The following RNF213 variants were observed in gnomAD, a reference collection of about 807,000 sequenced individuals.
RNF213 encodes ring finger protein 213.
Under a neutral mutation model 514.4 loss-of-function variants are expected in RNF213, and 341 were observed. The observed-to-expected ratio is 0.66, with a 90% CI of 0.61 to 0.73. The LOEUF is 0.73. Ranked by LOEUF, RNF213 falls within the 30% of genes least tolerant of loss-of-function variation. The pLI, the probability that RNF213 is intolerant of heterozygous loss-of-function variation, is 0.00. For missense variants in RNF213, 5,767 were observed against 6,615.6 expected, an observed-to-expected ratio of 0.87 and a Z score of 4.45; for synonymous variants, 2,655 against 2,658.2, an observed-to-expected ratio of 1.00 and a Z score of 0.04.
At position 80,398,735 on chromosome 17, in the gene RNF213, G is replaced by A. The variant is rs2080708902; in HGVS notation, c.*5237G>A. The A allele has an allele frequency of 6.6e-6, 1 of 151,538 alleles. No individual in the cohort carries two copies. Among genetic ancestry groups the A allele is most frequent in the African/African-American group, 2.4e-5 (1 of 41,146 alleles). 9.4% of individuals were successfully genotyped at this position (151,538 alleles called of 1,614,324 possible). The stretch of plus-strand genomic sequence containing the variant: ...TCAGAGAGAGAGAGAGAAAGAGACA[G>A]AGGCAAAAGGAAAGTCAAAGAGAAA... On this transcript the variant is annotated 3_prime_UTR_variant, in exon 68 of 68. Transcript: ENST00000582970.
In RNF213 at chr17:80,377,121, C is replaced by G; in HGVS notation, c.13510+158C>G. On this transcript the variant is annotated intron_variant, in intron 53 of 67. Transcript: ENST00000582970. The surrounding 1 kb of genome is among the most constrained non-coding windows in gnomAD (Gnocchi z 4.1). ...GGTGGCGTCTGCAGAAGACGAATGG[C>G]TTGAAGGAGCTGGCACTCCGCCGGC... The G allele has an allele frequency of 1.5e-6, 1 of 665,348 alleles. No homozygotes were observed. Among genetic ancestry groups the G allele is most frequent in the South Asian group, 1.6e-5 (1 of 61,956 alleles). The allele number at this position is 665,348 out of a possible 1,614,324, so 41.2% of individuals were successfully genotyped here. A position where few individuals can be genotyped will look rare whatever the true frequency, so the allele number is the denominator to read the frequency against.
At chr17:80,290,798 G>A in intron 7 of RNF213, 70 bp downstream of exon 7, 2 of 1,542,306 alleles carry the variant, frequency 1.3e-6, no homozygotes, top group Non-Finnish European at 1.8e-6. Context: ...GTGACACGTA[G>A]TTTAAAAAAA....
At chr17:80,304,904 C>T (rs2143550561) in intron 11 of RNF213, among the ~76,000 whole-genome samples, 1 of 152,282 alleles carries the variant, frequency 6.6e-6, no homozygotes, top group African/African-American at 2.4e-5. Flanking sequence ...CACTGTTCTC[C>T]TCTCTGTCTC....
intron 5 of RNF213, among the ~76,000 whole-genome samples, chr17:80,289,419 G>A (rs1370393549): frequency 7.9e-5 from 12 of 152,128 alleles, no homozygotes; most frequent in South Asian, 4.1e-4. Context: ...GTGAAACCCC[G>A]TCTCTACTAA....
intron 3 of RNF213, among the ~76,000 whole-genome samples, chr17:80,282,206 C>G (rs1405698492): frequency 1.3e-5 from 2 of 152,132 alleles, no homozygotes; most frequent in Non-Finnish European, 2.9e-5. Context: ...CCACAGGCAT[C>G]TGTATGACAT....
chr17:80,323,680 C>G (rs1488087778), intron 17 of RNF213, among the ~76,000 whole-genome samples: 1 of 152,154 alleles, frequency 6.6e-6, no homozygotes, highest in Non-Finnish European at 1.5e-5. Flanking sequence ...GTCTCGAACT[C>G]CTGACCTCAG....
Position 80,390,156 on chromosome 17 carries a change from C to A in RNF213, c.15430C>A (p.Pro5144Thr), listed in dbSNP as rs759915902. Reference protein sequence around the residue: ...HEMIILKLKNPQTQTEERFRP... With the variant: ...HEMIILKLKNTQTQTEERFRP... ...AATGATAATCTTGAAACTAAAGAAC[C>A]CCCAAACCCAAACCGAGGAGCGCTT... The change falls in exon 67 of 68, where the codon CCC becomes ACC. Residue 5144 changes from proline to threonine, a missense_variant. By Grantham distance (38) the Pro-to-Thr change is conservative (BLOSUM62 -1). Around this residue, in one of 13 missense-constraint regions of RNF213, gnomAD observed 1,245 missense variants for 1,339.0 expected, o/e 0.93. Transcript: ENST00000582970. 1.3e-5 allele frequency: 21 copies of A among 1,614,080 alleles called. No homozygotes were observed. The East Asian group carries it at 4.0e-4, about 31-fold the overall frequency.
At chr17:80,291,554 T>C in intron 7 of RNF213, 74 bp from the exon 8 acceptor site, 1 of 1,434,968 alleles carries the variant, frequency 7.0e-7, no homozygotes, top group Admixed American at 1.7e-5. Flanking sequence ...TTGCACTCCA[T>C]GCTACGTTTG....
chr17:80,364,857 C>A (rs2079198284), intron 42 of RNF213: 2 of 392,518 alleles, frequency 5.1e-6, no homozygotes, highest in Non-Finnish European at 9.7e-6. Context: ...GATTACCTGG[C>A]CTTTGGAGTG....
rs1466613766 is a variant in RNF213 at position 80,355,426 on chromosome 17, C to T, written c.10862+850C>T. On this transcript the variant is annotated intron_variant, in intron 36 of 67. Coordinates refer to ENST00000582970, the MANE Select transcript of RNF213 (RefSeq NM_001256071.3). The stretch of plus-strand genomic sequence containing the variant: ...GAATGGGGGCTCACGGAGGAAGAAG[C>T]GGGGTGGATGGGAATCGGGGCTCAC... The T allele has an allele frequency of 1.3e-4, 14 of 104,760 alleles. 3 individuals carry two copies. The highest frequency in any genetic ancestry group is 2.0e-4 in the Non-Finnish European group (10 of 49,176). 6.5% of individuals were successfully genotyped at this position (104,760 alleles called of 1,614,324 possible).
At chr17:80,352,460 C>T (rs541501583) in intron 32 of RNF213, 32 of 429,436 alleles carry the variant, frequency 7.5e-5, no homozygotes, top group African/African-American at 5.1e-4. Flanking sequence ...GGGAGAGTGG[C>T]GGGGGTCGGA....
At chr17:80,374,276 T>C (rs1160266918) in intron 49 of RNF213, among the ~76,000 whole-genome samples, 182 bp from the exon 50 acceptor site, 3 of 152,212 alleles carry the variant, frequency 2.0e-5, no homozygotes, top group Non-Finnish European at 2.9e-5. Flanking sequence ...CTTCGTCTAC[T>C]GAGGAGGAAG....
chr17:80,323,019 A>C (rs2143870823), intron 17 of RNF213, among the ~76,000 whole-genome samples: 1 of 152,278 alleles, frequency 6.6e-6, no homozygotes, highest in East Asian at 1.9e-4. Flanking sequence ...TTTAGCTCTT[A>C]CATGTAGGCC....
chr17:80,319,511 G>A (rs1165429833), intron 17 of RNF213, 199 bp downstream of exon 17: 5 of 1,613,588 alleles, frequency 3.1e-6, no homozygotes, highest in Non-Finnish European at 4.2e-6. Flanking sequence ...GTGCTGCACA[G>A]TCCCTGCTGC....
At chr17:80,299,326 A>G (rs1255844763) in intron 11 of RNF213, among the ~76,000 whole-genome samples, 1 of 152,160 alleles carries the variant, frequency 6.6e-6, no homozygotes, top group Non-Finnish European at 1.5e-5. Context: ...TTTCATAAGC[A>G]TCCTTAGCTT....
chr17:80,375,958 T>C, intron 51 of RNF213, 88 bp downstream of exon 51: 1 of 1,055,640 alleles, frequency 9.5e-7, no homozygotes. Flanking sequence ...ACACAAATCA[T>C]ACCATAATTT....
At chr17:80,350,155 C>A in intron 30 of RNF213, 146 bp from the exon 31 acceptor site, 1 of 760,244 alleles carries the variant, frequency 1.3e-6, no homozygotes, top group Non-Finnish European at 2.3e-6. Flanking sequence ...GGGTTTCCTC[C>A]CCTGGACTAT....
Position 80,317,057 on chromosome 17 carries a change from G to C in RNF213, c.2812-131G>C. 1.0e-6 allele frequency: 1 copy of C among 989,942 alleles called. No homozygotes were observed. The highest frequency in any genetic ancestry group is 1.4e-5 in the South Asian group (1 of 72,344). The allele number at this position is 989,942 out of a possible 1,614,324, so 61.3% of individuals were successfully genotyped here. A position where few individuals can be genotyped will look rare whatever the true frequency, so the allele number is the denominator to read the frequency against. ...CATGGCTGACTGTTGATGAAGGTTG[G>C]GGAGAGCCCTGGTGTTCGCGGAGTC... On this transcript the variant is annotated intron_variant, in intron 15 of 67. Coordinates refer to ENST00000582970, the MANE Select transcript of RNF213 (RefSeq NM_001256071.3). This position sits in a 1 kb window ranked among gnomAD's most constrained non-coding sequence, Gnocchi z 4.1.
Position 80,383,794 on chromosome 17 carries a change from C to T in RNF213, c.14188C>T (p.Pro4730Ser). 2 of 1,614,148 alleles carry T rather than the reference C, an allele frequency of 1.2e-6. No homozygotes were observed. The highest frequency in any genetic ancestry group is 1.1e-5 in the South Asian group (1 of 91,066). The change falls in exon 59 of 68, where the codon CCC becomes TCC. Residue 4730 changes from proline (P) to serine (S), a missense_variant. Pro to Ser is a moderately conservative substitution (Grantham distance 74). Coordinates refer to ENST00000582970, the MANE Select transcript of RNF213 (RefSeq NM_001256071.3). ...GDPVTFLPHL[P>S]RKSVVHCSKI... ...CCCAGTGACCTTCCTGCCCCACCTG[C>T]CCCGGAAAAGTGTGGTCCATTGCTC... is the stretch of plus-strand genomic sequence containing the variant.
Sources: gnomAD v4.1 joint callset for allele counts (sites outside exome capture counted in the v4.1 genomes callset) on GRCh38, gnomAD v4.1.1 for gene constraint, gnomAD v4.1.1 regional missense constraint, Gnocchi (gnomAD v3.1) non-coding constraint, MANE v1.5 for transcripts, NCBI Gene and HGNC (gene_info 2026-07-23, HGNC 2026-07-21) for gene names.